Variants in CFAP418 observed in about 807,000 individuals in gnomAD.
CFAP418 encodes the protein cilia and flagella associated protein 418.
CFAP418 carries 27 observed loss-of-function variants against 24.7 expected under a neutral mutation model. The ratio of observed to expected loss-of-function variants is 1.09; its 90% CI spans 0.81 to 1.51. The LOEUF (loss-of-function observed/expected upper bound fraction) is 1.51. Among genes scored for constraint, CFAP418 ranks in the 40% most tolerant of loss-of-function variants. The pLI is 0.00. For synonymous variants in CFAP418, 74 were observed against 87.3 expected, an observed-to-expected ratio of 0.85 and a Z score of 0.85; for missense variants, 257 against 255.2, an observed-to-expected ratio of 1.01 and a Z score of -0.05.
intron 5 of CFAP418, 49 bp downstream of exon 5, chr8:95,252,139 T>C (rs1811718661): frequency 7.2e-7 from 1 of 1,391,972 alleles, no homozygotes. Context: ...AAATAGGAAA[T>C]ATAAACTACT....
Position 95,247,507 on chromosome 8 carries a change from T to C in CFAP418, c.*110A>G, listed in dbSNP as rs1462819878. ...ATGTAGTTGTATCAATAAAATTCAC[T>C]GCCTTTTCCCACAGGGAATGGTATT... On this transcript the variant is annotated 3_prime_UTR_variant, in exon 6 of 6. Coordinates refer to ENST00000286688, the MANE Select transcript of CFAP418 (RefSeq NM_177965.4). 5 of 1,289,990 alleles carry C rather than the reference T, an allele frequency of 3.9e-6. No homozygotes were observed. The African/African-American group carries it at 5.8e-5, about 15-fold the overall frequency. The allele number at this position is 1,289,990 out of a possible 1,614,324, so 79.9% of individuals were successfully genotyped here. A position where few individuals can be genotyped will look rare whatever the true frequency, so the allele number is the denominator to read the frequency against.
Position 95,260,472 on chromosome 8 carries a change from T to C in CFAP418, c.304A>G (p.Lys102Glu). The change falls in exon 3 of 6, where the codon AAA (lysine) becomes GAA (glutamate). Residue 102 changes from lysine to glutamate, a missense_variant. Lys to Glu is a moderately conservative substitution (Grantham distance 56). Transcript: ENST00000286688. ...SVRASIEGLG[K>E]SCSPVYLGGS... is the part of the protein sequence containing the mutation. ...ACCAAAGCAATCTCAACTTACCTTTTACCAAGGCCTTCAATGGAAGCTCTG... is the reference window on the plus strand; with the variant it reads ...ACCAAAGCAATCTCAACTTACCTTTCACCAAGGCCTTCAATGGAAGCTCTG... The C allele has an allele frequency of 6.3e-7, 1 of 1,587,420 alleles. No individual in the cohort carries two copies. The highest frequency in any genetic ancestry group is 8.5e-7 in the Non-Finnish European group (1 of 1,170,854).
At chr8:95,267,435 A>T (rs1697673293) in intron 1 of CFAP418, among the ~76,000 whole-genome samples, 1 of 152,166 alleles carries the variant, frequency 6.6e-6, no homozygotes, top group South Asian at 2.1e-4. Context: ...CCCCGTTTCT[A>T]CCAGAAATAC....
At chr8:95,266,145 G>A (rs35084958) in intron 1 of CFAP418, among the ~76,000 whole-genome samples, 7,994 of 152,218 alleles carry the variant, frequency 0.053, 286 homozygotes, top group Non-Finnish European at 0.074. Flanking sequence ...CAGTATTCAC[G>A]CATGGGATTG....
intron 2 of CFAP418, among the ~76,000 whole-genome samples, chr8:95,261,766 A>G (rs77671549): frequency 0.072 from 10,924 of 152,264 alleles, 578 homozygotes; most frequent in African/African-American, 0.14. Flanking sequence ...TCAAATTAGT[A>G]TATCTTAAAG....
intron 4 of CFAP418, among the ~76,000 whole-genome samples, chr8:95,256,783 A>G (rs1563472127): frequency 6.6e-6 from 1 of 152,274 alleles, no homozygotes; most frequent in Non-Finnish European, 1.5e-5. Context: ...AGCAGGAGAC[A>G]TGCATTAGAA....
chr8:95,268,348 C>T (rs1031301231), intron 1 of CFAP418, among the ~76,000 whole-genome samples: 1 of 151,918 alleles, frequency 6.6e-6, no homozygotes, highest in East Asian at 1.9e-4. Context: ...ATTACAGGCT[C>T]GTGCCTGTAA....
intron 5 of CFAP418, 73 bp from the exon 6 acceptor site, chr8:95,247,843 GT>G: frequency 8.8e-7 from 1 of 1,142,260 alleles, no homozygotes; most frequent in Non-Finnish European, 1.2e-6. Context: ...AAAAAAAAAG[GT>G]CATTGCTTTC....
Position 95,247,304 on chromosome 8 carries a change from T to C in CFAP418, c.*313A>G, listed in dbSNP as rs1006116823. The C allele has an allele frequency of 6.7e-6, 2 of 297,318 alleles. No homozygotes were observed. The highest frequency in any genetic ancestry group is 9.5e-5 in the Admixed American group (2 of 21,112). 18.4% of individuals were successfully genotyped at this position (297,318 alleles called of 1,614,324 possible). ...AACGTATTAGCAATCAATATTGCAGTTGCTAATGAAAAACTAGATATTTGT... is the reference window on the plus strand; with the variant it reads ...AACGTATTAGCAATCAATATTGCAGCTGCTAATGAAAAACTAGATATTTGT... On this transcript the variant is annotated 3_prime_UTR_variant, in exon 6 of 6. Transcript: ENST00000286688.
At chr8:95,256,170 T>C (rs1361699121) in intron 4 of CFAP418, among the ~76,000 whole-genome samples, 1 of 151,676 alleles carries the variant, frequency 6.6e-6, no homozygotes, top group South Asian at 2.1e-4. Flanking sequence ...AAATATTTCA[T>C]ACATAAGAAA....
chr8:95,263,378 C>G (rs1187573924), intron 2 of CFAP418, among the ~76,000 whole-genome samples: 1 of 147,786 alleles, frequency 6.8e-6, no homozygotes, highest in Admixed American at 6.8e-5. Flanking sequence ...TTGTTTTTGG[C>G]CTTTTAGAAA....
chr8:95,269,036 T>C lies in CFAP418; in HGVS notation c.154A>G (p.Arg52Gly). The C allele has an allele frequency of 6.2e-7, 1 of 1,613,946 alleles. No individual in the cohort carries two copies. The highest frequency in any genetic ancestry group is 8.5e-7 in the Non-Finnish European group (1 of 1,179,882). Residue 52 changes from arginine to glycine, a missense_variant and splice_region_variant, in exon 1 of 6, where the codon AGA becomes GGA. Transcript: ENST00000286688. ...GTCCACCCCTCCCGCCCGGTTAACCTGAGCGTCTCTTTCGCCTTGGCTTGG... is the reference window on the plus strand; with the variant it reads ...GTCCACCCCTCCCGCCCGGTTAACCCGAGCGTCTCTTTCGCCTTGGCTTGG... ...RNQAKAKETLRSTETFKKEDD... is the reference protein window; with the variant it reads ...RNQAKAKETLGSTETFKKEDD...
chr8:95,253,407 T>C (rs1308270393), intron 4 of CFAP418, among the ~76,000 whole-genome samples: 1 of 151,902 alleles, frequency 6.6e-6, no homozygotes, highest in African/African-American at 2.4e-5. Flanking sequence ...GGGAGATTAT[T>C]ATCTTTTTCT....
intron 4 of CFAP418, 33 bp from the exon 5 acceptor site, chr8:95,252,316 T>G (rs770138097): frequency 4.3e-6 from 6 of 1,411,666 alleles, no homozygotes; most frequent in East Asian, 2.3e-5. Context: ...ATATTAAAGA[T>G]TATTGGTATC....
At position 95,247,565 on chromosome 8, in the gene CFAP418, T is replaced by C; in HGVS notation, c.*52A>G. The C allele has an allele frequency of 6.3e-7, 1 of 1,599,482 alleles. No individual in the cohort carries two copies. Among genetic ancestry groups the C allele is most frequent in the Non-Finnish European group, 8.6e-7 (1 of 1,167,914 alleles). On this transcript the variant is annotated 3_prime_UTR_variant, in exon 6 of 6. Coordinates refer to ENST00000286688, the MANE Select transcript of CFAP418 (RefSeq NM_177965.4). ...ACTATTGTCTAAACATGATGATGAT[T>C]CATGGAGACCACTCTCATGGATGCA...
At chr8:95,268,753 G>A (rs1403090517) in intron 1 of CFAP418, 19 of 172,982 alleles carry the variant, frequency 1.1e-4, no homozygotes, top group Admixed American at 4.1e-4. Flanking sequence ...GGGCTCTGCG[G>A]GCGGGGCGGG....
intron 4 of CFAP418, among the ~76,000 whole-genome samples, chr8:95,258,381 C>CAAAAAAA (rs61473559): frequency 2.0e-5 from 1 of 49,658 alleles, no homozygotes; most frequent in African/African-American, 8.0e-5. Context: ...GACTCTGTCT[C>CAAAAAAA]AAAAAAAAAA....
At position 95,263,677 on chromosome 8, in the gene CFAP418, C is replaced by G; in HGVS notation, c.243+10G>C. 1 of 1,541,352 alleles carries G rather than the reference C, an allele frequency of 6.5e-7. No homozygotes were observed. Among genetic ancestry groups the G allele is most frequent in the Non-Finnish European group, 9.0e-7 (1 of 1,115,156 alleles). On this transcript the variant is annotated intron_variant, in intron 2 of 5. Coordinates refer to ENST00000286688, the MANE Select transcript of CFAP418 (RefSeq NM_177965.4). Reference sequence around the variant, plus strand: ...ACAGAATTACTACATATTTATAACACTTGACTTACAGAGGGTTTTTTGTCC... The same window carrying G: ...ACAGAATTACTACATATTTATAACAGTTGACTTACAGAGGGTTTTTTGTCC...
chr8:95,259,600 T>A (rs1811851685), intron 4 of CFAP418, among the ~76,000 whole-genome samples: 1 of 151,968 alleles, frequency 6.6e-6, no homozygotes, highest in Admixed American at 6.6e-5. Flanking sequence ...GGGACTGGAG[T>A]GATCCAGGCA....
Sources: gnomAD v4.1 joint callset for allele counts (sites outside exome capture counted in the v4.1 genomes callset) on GRCh38, gnomAD v4.1.1 for gene constraint, MANE v1.5 for transcripts, NCBI Gene and HGNC (gene_info 2026-07-23, HGNC 2026-07-21) for gene names.